Variants in FHIT observed in about 807,000 individuals in gnomAD.
FHIT encodes the protein fragile histidine triad diadenosine triphosphatase.
FHIT carries 19 observed loss-of-function variants against 17.9 expected under a neutral mutation model. The ratio of observed to expected loss-of-function variants is 1.06; its 90% CI spans 0.74 to 1.56. The LOEUF is 1.56. Ranked by LOEUF, FHIT falls within the 40% of genes most tolerant of loss-of-function variation. The pLI is 0.00. For synonymous variants in FHIT, 81 were observed against 69.7 expected (o/e 1.16, Z -0.81); for missense variants, 248 against 189.2 (o/e 1.31, Z -1.82).
chr3:60,290,043 T>G (rs1707910494), intron 5 of FHIT, among the ~76,000 whole-genome samples: 1 of 152,176 alleles, frequency 6.6e-6, no homozygotes, highest in Admixed American at 6.5e-5. Context: ...CAGCTGATTG[T>G]GGTTCTTATC....
At chr3:60,719,011 T>A (rs1430734102) in intron 4 of FHIT, among the ~76,000 whole-genome samples, 1 of 152,026 alleles carries the variant, frequency 6.6e-6, no homozygotes, top group African/African-American at 2.4e-5. Context: ...CTCAGGCATA[T>A]ACCTGAACTG....
At chr3:60,342,376 A>T (rs927340738) in intron 5 of FHIT, among the ~76,000 whole-genome samples, 15 of 152,228 alleles carry the variant, frequency 9.9e-5, no homozygotes, top group African/African-American at 3.6e-4. Context: ...AGGGTCTGAG[A>T]TTCTCATCCT....
At chr3:60,155,993 T>TA (rs1231139531) in intron 5 of FHIT, among the ~76,000 whole-genome samples, 56 of 152,298 alleles carry the variant, frequency 3.7e-4, no homozygotes. Context: ...GATTTCATTT[T>TA]AATTGTTGCT....
chr3:60,338,945 C>A (rs532521161), intron 5 of FHIT, among the ~76,000 whole-genome samples: 1 of 152,214 alleles, frequency 6.6e-6, no homozygotes, highest in South Asian at 2.1e-4. Flanking sequence ...TTTCCTTAAC[C>A]CTGAAATAGA....
chr3:60,162,274 T>C (rs1224895173), intron 5 of FHIT, among the ~76,000 whole-genome samples: 15 of 152,208 alleles, frequency 9.9e-5, no homozygotes. Flanking sequence ...ACTTCCAATG[T>C]AGATCTTTTA....
intron 2 of FHIT, among the ~76,000 whole-genome samples, chr3:61,143,881 CA>C (rs920569648): frequency 2.6e-5 from 4 of 152,092 alleles, no homozygotes; most frequent in Non-Finnish European, 5.9e-5. Flanking sequence ...AACAAACAAA[CA>C]AACAAAACTG....
chr3:60,662,437 C>G (rs572740534), intron 4 of FHIT, among the ~76,000 whole-genome samples: 97 of 152,260 alleles, frequency 6.4e-4, no homozygotes, highest in African/African-American at 2.2e-3. Context: ...GTTTTGGTGA[C>G]TATGGTCTTA....
rs1320133940 is a variant in FHIT, at chr3:60,027,138, C to CA, written c.104-12987dup. On this transcript the variant is annotated intron_variant, in intron 5 of 9. Transcript: ENST00000492590. ...ACACACACACACACACACACACACA[C>CA]ACACACACACAAAATTAGTAAACCC... 2.3e-3 allele frequency among the ~76,000 whole-genome samples: 281 copies of CA among 119,814 alleles called. 12 individuals carry two copies. Among genetic ancestry groups the CA allele is most frequent in the Middle Eastern group, 0.013 (3 of 240 alleles). The allele number at this position is 119,814 out of a possible 152,430, so 78.6% of individuals were successfully genotyped here.
chr3:60,563,748 T>C (rs1576886281), intron 4 of FHIT, among the ~76,000 whole-genome samples: 2 of 152,258 alleles, frequency 1.3e-5, no homozygotes, highest in Admixed American at 6.5e-5. Flanking sequence ...TTGTATGAAG[T>C]CTGAGAGAGG....
At chr3:60,257,517 T>G (rs1375916645) in intron 5 of FHIT, among the ~76,000 whole-genome samples, 1 of 152,136 alleles carries the variant, frequency 6.6e-6, no homozygotes. Flanking sequence ...TCATAGAGTG[T>G]TCAACATAAT....
At chr3:60,034,023 T>C (rs1401563634) in intron 5 of FHIT, among the ~76,000 whole-genome samples, 1 of 152,136 alleles carries the variant, frequency 6.6e-6, no homozygotes, top group African/African-American at 2.4e-5. Context: ...AAGATAACAA[T>C]AACAGCAGTG....
chr3:60,916,908 A>G (rs1442249395), intron 3 of FHIT, among the ~76,000 whole-genome samples: 1 of 152,194 alleles, frequency 6.6e-6, no homozygotes, highest in Non-Finnish European at 1.5e-5. Context: ...AATCGCATAA[A>G]AAAATCCATC....
chr3:60,270,363 T>C (rs1047660474), intron 5 of FHIT, among the ~76,000 whole-genome samples: 1 of 152,208 alleles, frequency 6.6e-6, no homozygotes, highest in African/African-American at 2.4e-5. Flanking sequence ...TTAAAGTTAC[T>C]TTGAGTTTCT....
intron 5 of FHIT, among the ~76,000 whole-genome samples, chr3:60,173,431 C>T (rs547951699): frequency 6.6e-6 from 1 of 152,242 alleles, no homozygotes; most frequent in South Asian, 2.1e-4. Flanking sequence ...TGCAGCTTTC[C>T]ATTTTTTAGT....
chr3:60,971,681 T>G (rs1710023478), intron 3 of FHIT, among the ~76,000 whole-genome samples: 1 of 152,210 alleles, frequency 6.6e-6, no homozygotes, highest in African/African-American at 2.4e-5. Flanking sequence ...TCTAGAGGCA[T>G]GCAGATTCAA....
intron 3 of FHIT, among the ~76,000 whole-genome samples, chr3:60,945,838 G>A (rs535976362): frequency 8.5e-5 from 13 of 152,276 alleles, no homozygotes; most frequent in Non-Finnish European, 1.9e-4. Flanking sequence ...GATGGCCATT[G>A]GAGAGTTGAG....
At chr3:59,852,251 C>T (rs189273573) in intron 8 of FHIT, among the ~76,000 whole-genome samples, 13 of 152,132 alleles carry the variant, frequency 8.5e-5, no homozygotes, top group South Asian at 2.1e-4. Flanking sequence ...AGCAAGAGAA[C>T]GAATTACCAA....
intron 2 of FHIT, among the ~76,000 whole-genome samples, chr3:61,111,645 A>G (rs1420290601): frequency 1.3e-5 from 2 of 152,246 alleles, no homozygotes; most frequent in African/African-American, 4.8e-5. Context: ...ATTCTAAAGT[A>G]ATACAAATGA....
chr3:60,249,689 G>GAGACACACACACACAC (rs577200159), intron 5 of FHIT, among the ~76,000 whole-genome samples: 4 of 137,318 alleles, frequency 2.9e-5, no homozygotes, highest in Non-Finnish European at 6.2e-5. Flanking sequence ...ATACAGCCAA[G>GAGACACACACACACAC]ACACACACAC....
Sources: allele counts gnomAD v4.1 joint callset (sites outside exome capture counted in the v4.1 genomes callset), GRCh38; gene constraint gnomAD v4.1.1; transcripts MANE v1.5; gene names NCBI Gene and HGNC (gene_info 2026-07-23, HGNC 2026-07-21).